APH1B: variants seen among roughly 807,000 people sequenced by gnomAD.
APH1B encodes aph-1B gamma-secretase subunit.
A neutral mutation model predicts 28.2 loss-of-function variants in APH1B; 27 were observed. That is an observed-to-expected ratio of 0.96 (90% CI 0.70 to 1.32). The LOEUF (loss-of-function observed/expected upper bound fraction) is 1.32. Ranked by LOEUF, APH1B falls within the 40% of genes most tolerant of loss-of-function variation. APH1B has a pLI of 0.00. For synonymous variants in APH1B, 141 were observed against 124.6 expected, an observed-to-expected ratio of 1.13 and a Z score of -0.88; for missense variants, 305 against 313.6, an observed-to-expected ratio of 0.97 and a Z score of 0.21.
intron 4 of APH1B, among the ~76,000 whole-genome samples, chr15:63,299,274 G>T (rs939369505): frequency 3.3e-5 from 5 of 152,146 alleles, no homozygotes; most frequent in African/African-American, 1.2e-4. Flanking sequence ...AAGAAATATG[G>T]ACCTAGAATT....
intron 4 of APH1B, among the ~76,000 whole-genome samples, chr15:63,294,067 T>G (rs2038537090): frequency 6.6e-6 from 1 of 151,966 alleles, no homozygotes; most frequent in Admixed American, 6.6e-5. Flanking sequence ...TTTTCGGTGT[T>G]TTGGGGGTTT....
chr15:63,277,858 T>C (rs1595757237), intron 1 of APH1B, 122 bp downstream of exon 1: 1 of 954,384 alleles, frequency 1.0e-6, no homozygotes, highest in African/African-American at 1.7e-5. Context: ...GGGAGGAGGG[T>C]TGAGAGGGGG....
At chr15:63,277,935 G>A in intron 1 of APH1B, 199 bp downstream of exon 1, 1 of 590,776 alleles carries the variant, frequency 1.7e-6, no homozygotes, top group Non-Finnish European at 3.0e-6. Context: ...TGGGGGTCAG[G>A]GCCTTTTGCC....
chr15:63,302,437 A>T lies in APH1B; in HGVS notation c.571A>T (p.Ile191Phe). The change falls in exon 5 of 6, where the codon ATC becomes TTC. Residue 191 changes from isoleucine to phenylalanine, a missense_variant. Coordinates refer to ENST00000261879, the MANE Select transcript of APH1B (RefSeq NM_031301.4). ...GAAGAAAAAGTGGGGCATCCTCCTT[A>T]TCGTTCTCCTGACCCACCTGCTGGT... is the stretch of plus-strand genomic sequence containing the variant. Reference protein sequence around the residue: ...CEKKKWGILLIVLLTHLLVSA... With the variant: ...CEKKKWGILLFVLLTHLLVSA... 1 of 1,614,008 alleles carries T rather than the reference A, an allele frequency of 6.2e-7. No homozygotes were observed.
intron 2 of APH1B, among the ~76,000 whole-genome samples, chr15:63,280,729 A>C (rs1567026891): frequency 6.6e-6 from 1 of 152,208 alleles, no homozygotes; most frequent in Non-Finnish European, 1.5e-5. Context: ...GTAACACTGA[A>C]ATTTCCATGG....
intron 4 of APH1B, among the ~76,000 whole-genome samples, chr15:63,301,295 A>C (rs2038624504): frequency 6.6e-6 from 1 of 152,248 alleles, no homozygotes; most frequent in Non-Finnish European, 1.5e-5. Context: ...GCAGTATGAA[A>C]GAGAGTTGTC....
rs200634491 is a variant in APH1B, at chr15:63,286,557, G to A, written c.285-1G>A. On this transcript the variant is annotated splice_acceptor_variant, in intron 2 of 5. Transcript: ENST00000261879. LOFTEE classifies it high-confidence loss of function. The stretch of plus-strand genomic sequence containing the variant: ...TAATTACATGTGTGGTTTTATTTTA[G>A]AAAAGCCAGTGAAGGTTTGAAGAGT... 3 of 1,535,056 alleles carry A rather than the reference G, an allele frequency of 2.0e-6. No individual in the cohort carries two copies. Among genetic ancestry groups the A allele is most frequent in the South Asian group, 2.5e-5 (2 of 81,074 alleles).
chr15:63,305,618 TC>T lies in APH1B; in HGVS notation c.612del (p.Phe204LeufsTer2). On this transcript the variant is annotated frameshift_variant, in exon 6 of 6. Transcript: ENST00000261879. LOFTEE classifies it high-confidence loss of function. The stretch of plus-strand genomic sequence containing the variant: ...TGATTTATTTTTCTTTTGCAGACCT[TC>T]ATAAGTTCTTATTATGGAATAAACC... ...LTHLLVSAQT[F>X]ISSYYGINLA... The T allele has an allele frequency of 1.9e-6, 3 of 1,614,098 alleles. No individual in the cohort carries two copies. Among genetic ancestry groups the T allele is most frequent in the Non-Finnish European group, 2.5e-6 (3 of 1,180,016 alleles).
chr15:63,282,615 A>G (rs376448783), intron 2 of APH1B, among the ~76,000 whole-genome samples: 5 of 151,886 alleles, frequency 3.3e-5, no homozygotes, highest in East Asian at 1.9e-4. Flanking sequence ...TGTTGCTTGA[A>G]ACTCCTGTAT....
rs28523680 is a variant in APH1B at position 63,304,559 on chromosome 15, C to T, written c.607-1055C>T. 0.041 allele frequency among the ~76,000 whole-genome samples: 6,271 copies of T among 152,104 alleles called. 333 individuals are homozygous for T. The highest frequency in any genetic ancestry group is 0.12 in the African/African-American group (4,956 of 41,468). On this transcript the variant is annotated intron_variant, in intron 5 of 5. Transcript: ENST00000261879. This position sits in a 1 kb window ranked among gnomAD's most constrained non-coding sequence, Gnocchi z 5.1. The stretch of plus-strand genomic sequence containing the variant: ...GTCTTTACATTCTCTTAATGTCTTT[C>T]GGTGAACAAAAGTTCTTAATTTTAT...
intron 2 of APH1B, among the ~76,000 whole-genome samples, chr15:63,284,526 G>A (rs923881524): frequency 6.6e-6 from 1 of 152,120 alleles, no homozygotes; most frequent in Non-Finnish European, 1.5e-5. Context: ...TATGTGCTGT[G>A]CTTTTATATG....
rs139355584 is a variant in APH1B, at chr15:63,302,375, A to G, written c.509A>G (p.His170Arg). Residue 170 changes from histidine (H) to arginine (R), a missense_variant, in exon 5 of 6, where the codon CAT (histidine) becomes CGT (arginine). Coordinates refer to ENST00000261879, the MANE Select transcript of APH1B (RefSeq NM_031301.4). ...ATGACGCTGGTCATTATCTTGCTGC[A>G]TGTATTCTGGGGCATTGTATTTTTT... The part of the protein sequence containing the change: ...AFMTLVIILL[H>R]VFWGIVFFDG... The G allele has an allele frequency of 2.4e-5, 38 of 1,613,918 alleles. No individual in the cohort carries two copies. Among genetic ancestry groups the G allele is most frequent in the Non-Finnish European group, 3.1e-5 (36 of 1,179,984 alleles).
At chr15:63,301,123 T>G (rs1021602944) in intron 4 of APH1B, among the ~76,000 whole-genome samples, 4 of 152,114 alleles carry the variant, frequency 2.6e-5, no homozygotes, top group Non-Finnish European at 2.9e-5. Context: ...AAGTGCGGGG[T>G]GGGTCCCCAT....
At chr15:63,279,452 AT>A in intron 2 of APH1B, 121 bp downstream of exon 2, 1 of 814,334 alleles carries the variant, frequency 1.2e-6, no homozygotes, top group South Asian at 3.7e-5. Flanking sequence ...AAGCCAAGAG[AT>A]TGGTACATTT....
At chr15:63,288,450 A>C (rs2038470954) in intron 4 of APH1B, among the ~76,000 whole-genome samples, 1 of 152,250 alleles carries the variant, frequency 6.6e-6, no homozygotes, top group Admixed American at 6.5e-5. Context: ...CATTCGCAGT[A>C]GACCCTTTGT....
intron 4 of APH1B, among the ~76,000 whole-genome samples, chr15:63,292,254 T>C (rs1016976561): frequency 8.5e-5 from 13 of 152,230 alleles, no homozygotes; most frequent in African/African-American, 2.9e-4. Flanking sequence ...GCAGTTCTTA[T>C]CCTTTTATGA....
chr15:63,287,885 A>G (rs2038464423), intron 4 of APH1B, among the ~76,000 whole-genome samples: 1 of 152,188 alleles, frequency 6.6e-6, no homozygotes, highest in Non-Finnish European at 1.5e-5. Context: ...CCTAATCTAT[A>G]ATTGTCATTG....
chr15:63,283,716 T>G (rs1423303982), intron 2 of APH1B, among the ~76,000 whole-genome samples: 1 of 152,242 alleles, frequency 6.6e-6, no homozygotes, highest in Non-Finnish European at 1.5e-5. Flanking sequence ...TGTTTACTTT[T>G]TCTTTAGTTG....
Position 63,304,245 on chromosome 15 carries a change from T to A in APH1B, c.607-1369T>A, listed in dbSNP as rs560603796. 6.6e-6 allele frequency among the ~76,000 whole-genome samples: 1 copy of A among 152,346 alleles called. No homozygotes were observed. The highest frequency in any genetic ancestry group is 2.1e-4 in the South Asian group (1 of 4,828). On this transcript the variant is annotated intron_variant, in intron 5 of 5. Coordinates refer to ENST00000261879, the MANE Select transcript of APH1B (RefSeq NM_031301.4). The surrounding 1 kb of genome is among the most constrained non-coding windows in gnomAD (Gnocchi z 5.1). ...GGCTGTGGTGTTGAAGCCAGCGTCA[T>A]GGTCACCCTCAGTGGGGGCAGGGAC...
Sources: gnomAD v4.1 joint callset for allele counts (sites outside exome capture counted in the v4.1 genomes callset) on GRCh38, gnomAD v4.1.1 for gene constraint, Gnocchi (gnomAD v3.1) non-coding constraint, MANE v1.5 for transcripts, NCBI Gene and HGNC (gene_info 2026-07-23, HGNC 2026-07-21) for gene names.